The following MARCHF11 variants were observed in gnomAD, a reference collection of about 807,000 sequenced individuals.
The protein encoded by MARCHF11 is E3 ubiquitin-protein ligase MARCHF11.
In MARCHF11, 29 loss-of-function variants were observed where a neutral mutation model predicts 37.3. That is an observed-to-expected ratio of 0.78 (90% CI 0.58 to 1.06). The LOEUF (loss-of-function observed/expected upper bound fraction) is 1.06. Among genes scored for constraint, MARCHF11 ranks in the 50% least tolerant of loss-of-function variants. The probability of loss-of-function intolerance (pLI) is 0.00; values close to 1 mark genes in which losing one functional copy is unlikely to be tolerated. For missense variants in MARCHF11, 482 were observed against 533.4 expected, an observed-to-expected ratio of 0.90 and a Z score of 0.95; for synonymous variants, 233 against 228.0, an observed-to-expected ratio of 1.02 and a Z score of -0.20.
chr5:16,094,736 G>A (rs1220773548), intron 2 of MARCHF11, among the ~76,000 whole-genome samples: 1 of 151,990 alleles, frequency 6.6e-6, no homozygotes, highest in Non-Finnish European at 1.5e-5. Flanking sequence ...GCAAAAGTGG[G>A]ACCAACTGGC....
At chr5:16,130,829 C>T (rs1737503979) in intron 2 of MARCHF11, among the ~76,000 whole-genome samples, 1 of 152,152 alleles carries the variant, frequency 6.6e-6, no homozygotes, top group South Asian at 2.1e-4. Context: ...GTAATTTTTA[C>T]TAGACATCAC....
intron 2 of MARCHF11, 57 bp from the exon 3 acceptor site, chr5:16,091,138 A>AG: frequency 7.4e-7 from 1 of 1,360,094 alleles, no homozygotes; most frequent in South Asian, 1.6e-5. Flanking sequence ...AAAAAGAAAA[A>AG]AAAACATTTT....
At chr5:16,095,262 G>A (rs189372627) in intron 2 of MARCHF11, among the ~76,000 whole-genome samples, 57 of 152,224 alleles carry the variant, frequency 3.7e-4, no homozygotes, top group Non-Finnish European at 2.8e-4. Flanking sequence ...GTAATTCCCC[G>A]GGGTTCATTC....
intron 2 of MARCHF11, among the ~76,000 whole-genome samples, chr5:16,145,494 A>G (rs1428508570): frequency 6.6e-6 from 1 of 152,118 alleles, no homozygotes; most frequent in Non-Finnish European, 1.5e-5. Context: ...AGCCTCTAGA[A>G]CTGTGAGAAA....
chr5:16,079,587 C>T (rs1736573163), intron 3 of MARCHF11, among the ~76,000 whole-genome samples: 1 of 152,206 alleles, frequency 6.6e-6, no homozygotes, highest in African/African-American at 2.4e-5. Context: ...CCTTGTGGAT[C>T]TTGTGGCCTT....
intron 1 of MARCHF11, among the ~76,000 whole-genome samples, chr5:16,178,331 T>C (rs564011796): frequency 6.6e-6 from 1 of 152,242 alleles, no homozygotes; most frequent in Non-Finnish European, 1.5e-5. Context: ...TGAAAGCCTG[T>C]ATATTCTTAT....
intron 2 of MARCHF11, among the ~76,000 whole-genome samples, chr5:16,118,438 G>A (rs771075408): frequency 6.6e-6 from 1 of 152,208 alleles, no homozygotes; most frequent in Non-Finnish European, 1.5e-5. Flanking sequence ...ACCAGATGGT[G>A]GCTTGCAAAG....
intron 3 of MARCHF11, among the ~76,000 whole-genome samples, chr5:16,069,524 A>G (rs1579670450): frequency 6.6e-6 from 1 of 152,250 alleles, no homozygotes; most frequent in East Asian, 1.9e-4. Flanking sequence ...AATAACAGAG[A>G]ATTTATTAGA....
At chr5:16,174,930 T>C (rs369842948) in intron 2 of MARCHF11, among the ~76,000 whole-genome samples, 40 of 152,312 alleles carry the variant, frequency 2.6e-4, no homozygotes, top group East Asian at 2.3e-3. Flanking sequence ...CACAAAAGAA[T>C]GCAGTAGATG....
At chr5:16,163,804 G>T (rs1738126033) in intron 2 of MARCHF11, among the ~76,000 whole-genome samples, 1 of 152,004 alleles carries the variant, frequency 6.6e-6, no homozygotes, top group Non-Finnish European at 1.5e-5. Flanking sequence ...AGCTTTAAGA[G>T]GTAATTAAGT....
chr5:16,154,894 C>T (rs1737943255), intron 2 of MARCHF11, among the ~76,000 whole-genome samples: 1 of 151,846 alleles, frequency 6.6e-6, no homozygotes, highest in South Asian at 2.1e-4. Flanking sequence ...GATGGAGGCT[C>T]ATACCAGCAC....
At chr5:16,085,480 C>T (rs997048450) in intron 3 of MARCHF11, among the ~76,000 whole-genome samples, 9 of 148,628 alleles carry the variant, frequency 6.1e-5, no homozygotes, top group African/African-American at 2.2e-4. Flanking sequence ...GAAAACTACT[C>T]GAATGGTTAA....
chr5:16,080,854 T>C (rs1579676018), intron 3 of MARCHF11, among the ~76,000 whole-genome samples: 1 of 152,196 alleles, frequency 6.6e-6, no homozygotes, highest in African/African-American at 2.4e-5. Flanking sequence ...AACACCTCTC[T>C]TTAATATTAA....
chr5:16,163,399 C>T (rs1738119178), intron 2 of MARCHF11, among the ~76,000 whole-genome samples: 1 of 151,974 alleles, frequency 6.6e-6, no homozygotes, highest in South Asian at 2.1e-4. Flanking sequence ...TCTCAGACAG[C>T]ACATATTCAC....
At chr5:16,110,742 C>T (rs1737123459) in intron 2 of MARCHF11, among the ~76,000 whole-genome samples, 1 of 152,148 alleles carries the variant, frequency 6.6e-6, no homozygotes, top group South Asian at 2.1e-4. Flanking sequence ...AATATCCAGC[C>T]TCCAAGTCTA....
intron 2 of MARCHF11, among the ~76,000 whole-genome samples, chr5:16,134,560 T>A (rs906191258): frequency 1.3e-5 from 2 of 152,190 alleles, no homozygotes; most frequent in Admixed American, 1.3e-4. Context: ...TGTTAATGCC[T>A]GCATTATATA....
At chr5:16,092,490 C>T (rs982688556) in intron 2 of MARCHF11, among the ~76,000 whole-genome samples, 5 of 152,086 alleles carry the variant, frequency 3.3e-5, no homozygotes, top group African/African-American at 4.8e-5. Flanking sequence ...TTTACAATTC[C>T]GAATGAATAA....
chr5:16,159,084 A>G (rs1218929165), intron 2 of MARCHF11, among the ~76,000 whole-genome samples: 1 of 151,996 alleles, frequency 6.6e-6, no homozygotes, highest in Non-Finnish European at 1.5e-5. Flanking sequence ...TAGCAAATAA[A>G]TACAACTTCT....
chr5:16,074,762 T>C (rs942705209), intron 3 of MARCHF11, among the ~76,000 whole-genome samples: 2 of 152,132 alleles, frequency 1.3e-5, no homozygotes, highest in Non-Finnish European at 2.9e-5. Context: ...AAGGGGCTGG[T>C]TAATTTCTAA....
Sources: gnomAD v4.1 joint callset for allele counts (sites outside exome capture counted in the v4.1 genomes callset) on GRCh38, gnomAD v4.1.1 for gene constraint, MANE v1.5 for transcripts, NCBI Gene and HGNC (gene_info 2026-07-23, HGNC 2026-07-21) for gene names.